DIDO1: variants seen among roughly 807,000 people sequenced by gnomAD.
The protein encoded by DIDO1 is death-inducer obliterator 1.
A neutral mutation model predicts 99.4 loss-of-function variants in DIDO1; 16 were observed. The ratio of observed to expected loss-of-function variants is 0.16; its 90% confidence interval spans 0.11 to 0.24. The LOEUF (loss-of-function observed/expected upper bound fraction) is 0.24. DIDO1 is among the 10% of genes least tolerant of loss of function. DIDO1 has a pLI of 1.00. For synonymous variants in DIDO1, 1,366 were observed against 1,239.1 expected (o/e 1.10, Z -2.15); for missense variants, 2,996 against 3,014.0 (o/e 0.99, Z 0.14).
In DIDO1 at chr20:62,896,569, T is replaced by G; in HGVS notation, c.2016A>C (p.Gln672His). 1 of 1,595,276 alleles carries G rather than the reference T, an allele frequency of 6.3e-7. No homozygotes were observed. The highest frequency in any genetic ancestry group is 8.5e-7 in the Non-Finnish European group (1 of 1,171,614). ...APSQPNSQIR[Q>H]NIRRSLKEIL... The stretch of plus-strand genomic sequence containing the variant: ...TCTCTTTTAAGGAGCGTCTGATATT[T>G]TGCCGAATTTGTGAATTTGGCTGCG... The change falls in exon 7 of 16, where the codon CAA becomes CAC. Residue 672 changes from glutamine to histidine, a missense_variant. This residue lies in a region of DIDO1 where 898 missense variants were observed against 972.7 expected (regional missense o/e 0.92). Coordinates refer to ENST00000395343, the MANE Select transcript of DIDO1 (RefSeq NM_001193369.2). This position sits in a 1 kb window ranked among gnomAD's most constrained non-coding sequence, Gnocchi z 4.4.
At chr20:62,895,800 A>T (rs1487696984) in intron 8 of DIDO1, among the ~76,000 whole-genome samples, 1 of 152,212 alleles carries the variant, frequency 6.6e-6, no homozygotes, top group Non-Finnish European at 1.5e-5. Context: ...GTGAGAACTC[A>T]AGCAGCCCAA....
At chr20:62,885,025 T>A (rs1363074695) in intron 15 of DIDO1, among the ~76,000 whole-genome samples, 2 of 152,250 alleles carry the variant, frequency 1.3e-5, no homozygotes, top group Admixed American at 6.5e-5. Context: ...GTTTACTGAA[T>A]AAGCTATTAC....
intron 15 of DIDO1, 84 bp from the exon 16 acceptor site, chr20:62,882,498 C>T (rs2064226076): frequency 5.3e-6 from 7 of 1,320,454 alleles, no homozygotes; most frequent in Admixed American, 4.5e-5. Flanking sequence ...AGGGCTTTCA[C>T]GGGGAACGTT....
intron 6 of DIDO1, chr20:62,905,617 G>C: frequency 6.4e-7 from 1 of 1,553,230 alleles, no homozygotes; most frequent in Non-Finnish European, 8.7e-7. Flanking sequence ...AGTGAAAACA[G>C]AGATTAAAGA....
In DIDO1 at chr20:62,893,896, C is replaced by T; in HGVS notation, c.2871G>A (p.Val957=). 27 of 1,610,848 alleles carry T rather than the reference C, an allele frequency of 1.7e-5. No individual in the cohort carries two copies. The highest frequency in any genetic ancestry group is 2.3e-5 in the Non-Finnish European group (27 of 1,177,510). Residue 957 remains valine (V), a synonymous_variant, in exon 12 of 16, where the codon GTG becomes GTA. Transcript: ENST00000395343. ...SPCPASCGSG[V]VTTVTVSGRD... ...GGCCGGACACTGTGACGGTGGTGACCACCCCGCTCCCACAGGAGGCTGGGC... is the reference window on the plus strand; with the variant it reads ...GGCCGGACACTGTGACGGTGGTGACTACCCCGCTCCCACAGGAGGCTGGGC...
At chr20:62,903,903 A>G (rs1272991001) in intron 6 of DIDO1, among the ~76,000 whole-genome samples, 1 of 152,152 alleles carries the variant, frequency 6.6e-6, no homozygotes, top group Non-Finnish European at 1.5e-5. Context: ...TGGGCAGAAG[A>G]GCAGCCTCCT....
chr20:62,905,109 T>C (rs559076719), intron 6 of DIDO1: 158 of 998,384 alleles, frequency 1.6e-4, no homozygotes, highest in Non-Finnish European at 1.8e-4. Context: ...TATCTTCATT[T>C]CATTAATTTG....
At chr20:62,922,026 A>G (rs568655655) in intron 1 of DIDO1, among the ~76,000 whole-genome samples, 3 of 144,012 alleles carry the variant, frequency 2.1e-5, no homozygotes, top group African/African-American at 8.6e-5. Flanking sequence ...CACAATATAT[A>G]TCCACACGAT....
upstream of DIDO1, chr20:62,928,682 G>A (rs911806466): frequency 6.6e-6 from 1 of 152,208 alleles, no homozygotes; most frequent in Non-Finnish European, 1.5e-5. Flanking sequence ...AAACTCTTCA[G>A]TTGTTTCAAT....
chr20:62,898,509 G>A (rs546090067), intron 6 of DIDO1, among the ~76,000 whole-genome samples: 3 of 152,300 alleles, frequency 2.0e-5, no homozygotes, highest in East Asian at 1.9e-4. Context: ...TATTCGCCCC[G>A]ACTTTCAAGA....
intron 15 of DIDO1, chr20:62,890,125 A>G (rs541535236): frequency 1.5e-5 from 15 of 985,872 alleles, no homozygotes; most frequent in South Asian, 1.4e-4. Flanking sequence ...ACTGAGGCAC[A>G]GGGTCCAGAC....
chr20:62,888,763 G>A (rs1568835393), intron 15 of DIDO1: 21 of 985,372 alleles, frequency 2.1e-5, no homozygotes, highest in East Asian at 1.1e-4. Flanking sequence ...TAATCAGTAC[G>A]TGAAGCGGGC....
rs140473254 is a variant in DIDO1 at position 62,907,177 on chromosome 20, C to G, written c.1344G>C (p.Glu448Asp). Residue 448 changes from glutamate to aspartate, a missense_variant, in exon 5 of 16, where the codon GAG (glutamate) becomes GAC (aspartate). Transcript: ENST00000395343. ...KPKEKMKMKP[E>D]KPSLPKCGAQ... is the part of the protein sequence containing the mutation. ...CACCGCATTTCGGAAGACTGGGCTT[C>G]TCTGGCTTCATCTTCATCTTTTCTT... is the stretch of plus-strand genomic sequence containing the variant. The G allele has an allele frequency of 7.4e-5, 119 of 1,614,256 alleles. No individual in the cohort carries two copies. In the African/African-American group the frequency reaches 1.5e-3, roughly 20 times the overall value.
At chr20:62,904,383 G>C (rs1302402121) in intron 6 of DIDO1, among the ~76,000 whole-genome samples, 1 of 152,164 alleles carries the variant, frequency 6.6e-6, no homozygotes, top group African/African-American at 2.4e-5. Context: ...GCAATTGCAT[G>C]ATTCATTTTA....
Position 62,894,947 on chromosome 20 carries a change from C to T in DIDO1, c.2332-33G>A. ...GAAAAAGACGAAACAGAGCTTAGGC[C>T]TTGTTTTCTAGGAGGAAAGCATCGC... On this transcript the variant is annotated intron_variant, in intron 9 of 15. Transcript: ENST00000395343. The surrounding 1 kb of genome is among the most constrained non-coding windows in gnomAD (Gnocchi z 4.4). 4 of 1,603,556 alleles carry T rather than the reference C, an allele frequency of 2.5e-6. No individual in the cohort carries two copies. The highest frequency in any genetic ancestry group is 3.3e-4 in the Middle Eastern group (2 of 6,028).
rs2064151408 is a variant in DIDO1 at position 62,879,157 on chromosome 20, G to T, written c.*76C>A. ...TATTCTATCCTGAATCTAAGATCGT[G>T]GCTATTTCAAAAGCTATTTGTTCAA... On this transcript the variant is annotated 3_prime_UTR_variant, in exon 16 of 16. Transcript: ENST00000395343. The surrounding 1 kb of genome is among the most constrained non-coding windows in gnomAD (Gnocchi z 6.3). 7.8e-7 allele frequency: 1 copy of T among 1,287,888 alleles called. No homozygotes were observed. The highest frequency in any genetic ancestry group is 3.2e-5 in the Admixed American group (1 of 31,380). The allele number at this position is 1,287,888 out of a possible 1,614,324, so 79.8% of individuals were successfully genotyped here. A position where few individuals can be genotyped will look rare whatever the true frequency, so the allele number is the denominator to read the frequency against.
chr20:62,913,038 AAAAG>A (rs1193453105), intron 2 of DIDO1, among the ~76,000 whole-genome samples: 1 of 152,240 alleles, frequency 6.6e-6, no homozygotes, highest in Non-Finnish European at 1.5e-5. Flanking sequence ...AAAAAAAAGA[AAAAG>A]AACGAAAATA....
intron 8 of DIDO1, 59 bp from the exon 9 acceptor site, chr20:62,895,224 A>C (rs2064491907): frequency 2.0e-6 from 3 of 1,494,604 alleles, no homozygotes; most frequent in Non-Finnish European, 1.9e-6. Flanking sequence ...CAATACAGAG[A>C]GCTTCTGGAA....
rs1180473752 is a variant in DIDO1 at position 62,896,912 on chromosome 20, C to T, written c.1673G>A (p.Gly558Asp). Residue 558 changes from glycine (G) to aspartate (D), a missense_variant, in exon 7 of 16, where the codon GGC becomes GAC. Gly to Asp is a moderately conservative substitution (Grantham distance 94). Transcript: ENST00000395343. This position sits in a 1 kb window ranked among gnomAD's most constrained non-coding sequence, Gnocchi z 4.4. ...KKTAPPGSAV[G>D]KQPAPRNLVP... ...GAGGTTTCTAGGTGCAGGCTGCTTG[C>T]CCACCGCGGAGCCTGGAGGGGCTGT... 6.2e-7 allele frequency: 1 copy of T among 1,613,992 alleles called. No individual in the cohort carries two copies. Among genetic ancestry groups the T allele is most frequent in the Non-Finnish European group, 8.5e-7 (1 of 1,179,938 alleles).
Sources: gnomAD v4.1 joint callset for allele counts (sites outside exome capture counted in the v4.1 genomes callset) on GRCh38, gnomAD v4.1.1 for gene constraint, gnomAD v4.1.1 regional missense constraint, Gnocchi (gnomAD v3.1) non-coding constraint, MANE v1.5 for transcripts, NCBI Gene and HGNC (gene_info 2026-07-23, HGNC 2026-07-21) for gene names.